HPSE2: variants seen among roughly 807,000 people sequenced by gnomAD.
HPSE2 encodes heparanase 2 (inactive).
Under a neutral mutation model 60.5 loss-of-function variants are expected in HPSE2, and 38 were observed. That is an observed-to-expected ratio of 0.63 (90% CI 0.48 to 0.82). The LOEUF (loss-of-function observed/expected upper bound fraction) is 0.82, where lower values mean the gene tolerates loss of function less well. HPSE2 is among the 40% of genes least tolerant of loss of function. The pLI is 0.00. For missense variants in HPSE2, 713 were observed against 740.4 expected (o/e 0.96, Z 0.43); for synonymous variants, 295 against 293.2 (o/e 1.01, Z -0.06).
At chr10:98,746,508 AG>A (rs1315809840) in intron 3 of HPSE2, among the ~76,000 whole-genome samples, 1 of 152,044 alleles carries the variant, frequency 6.6e-6, no homozygotes, top group Admixed American at 6.6e-5. Context: ...ACCTACCCTT[AG>A]AAAAATTTTA....
intron 4 of HPSE2, among the ~76,000 whole-genome samples, chr10:98,726,266 A>C (rs1949076401): frequency 6.6e-6 from 1 of 152,186 alleles, no homozygotes; most frequent in Non-Finnish European, 1.5e-5. Flanking sequence ...GTGGATTAAG[A>C]AAATGTGGCA....
intron 2 of HPSE2, among the ~76,000 whole-genome samples, chr10:99,230,109 TAAATC>T (rs1179844792): frequency 6.6e-6 from 1 of 152,144 alleles, no homozygotes; most frequent in Non-Finnish European, 1.5e-5. Flanking sequence ...TAGGAAAACA[TAAATC>T]AAAAGGAGTT....
At chr10:98,984,573 A>G (rs1956290389) in intron 3 of HPSE2, among the ~76,000 whole-genome samples, 1 of 152,230 alleles carries the variant, frequency 6.6e-6, no homozygotes, top group South Asian at 2.1e-4. Flanking sequence ...AAAATTCTAA[A>G]AATCAGAGTG....
chr10:98,665,880 T>A (rs1591573), intron 6 of HPSE2, among the ~76,000 whole-genome samples: 74,949 of 151,914 alleles, frequency 0.49, 20,886 homozygotes, highest in South Asian at 0.74. Flanking sequence ...CACGATCAAA[T>A]TTACAAAACA....
At chr10:98,511,439 C>T (rs906487289) in intron 9 of HPSE2, among the ~76,000 whole-genome samples, 8 of 151,958 alleles carry the variant, frequency 5.3e-5, no homozygotes, top group South Asian at 2.1e-4. Flanking sequence ...TGTGAGGCAC[C>T]GCGCCCAGCC....
chr10:98,725,188 C>G (rs1949039679), intron 4 of HPSE2, among the ~76,000 whole-genome samples: 1 of 152,158 alleles, frequency 6.6e-6, no homozygotes, highest in Non-Finnish European at 1.5e-5. Context: ...CAAGTCAATC[C>G]TAAGCCAAAA....
intron 3 of HPSE2, among the ~76,000 whole-genome samples, chr10:98,989,876 T>C (rs1956480835): frequency 6.6e-6 from 1 of 152,166 alleles, no homozygotes; most frequent in African/African-American, 2.4e-5. Flanking sequence ...GTTGGCATTC[T>C]TAGAGTCTTC....
intron 3 of HPSE2, among the ~76,000 whole-genome samples, chr10:98,752,108 T>C (rs1200233121): frequency 6.6e-6 from 1 of 152,174 alleles, no homozygotes; most frequent in Non-Finnish European, 1.5e-5. Context: ...TTGGTTGTAG[T>C]GAGACAAAGA....
chr10:99,199,706 AC>A (rs1403731105), intron 2 of HPSE2, among the ~76,000 whole-genome samples: 2 of 152,126 alleles, frequency 1.3e-5, no homozygotes, highest in African/African-American at 4.8e-5. Context: ...TGAAACAAGG[AC>A]ACGTAACGCC....
At chr10:98,720,140 G>T (rs1015469535) in intron 5 of HPSE2, among the ~76,000 whole-genome samples, 2 of 152,030 alleles carry the variant, frequency 1.3e-5, no homozygotes, top group African/African-American at 4.8e-5. Context: ...AAATAAAAAT[G>T]AAAAGAAAAT....
intron 3 of HPSE2, among the ~76,000 whole-genome samples, chr10:98,950,206 T>G (rs1286353107): frequency 6.6e-6 from 1 of 152,112 alleles, no homozygotes; most frequent in African/African-American, 2.4e-5. Context: ...AAAGTCCTAG[T>G]AAGGTTAAAG....
intron 9 of HPSE2, among the ~76,000 whole-genome samples, chr10:98,559,929 G>T (rs1213521860): frequency 1.3e-5 from 2 of 152,256 alleles, no homozygotes; most frequent in Non-Finnish European, 2.9e-5. Context: ...TGGGTTCTGG[G>T]TTCATGTGGG....
intron 3 of HPSE2, among the ~76,000 whole-genome samples, chr10:99,122,463 A>G (rs1483332001): frequency 6.6e-6 from 1 of 151,988 alleles, no homozygotes; most frequent in Non-Finnish European, 1.5e-5. Flanking sequence ...ATAAGCTACT[A>G]GAATTAAGAA....
chr10:98,768,390 T>C (rs1950171618), intron 3 of HPSE2, among the ~76,000 whole-genome samples: 1 of 152,188 alleles, frequency 6.6e-6, no homozygotes, highest in African/African-American at 2.4e-5. Context: ...CTCTTGCTTT[T>C]CACCGTGAGC....
chr10:98,870,744 T>C (rs916915264), intron 3 of HPSE2, among the ~76,000 whole-genome samples: 1 of 152,080 alleles, frequency 6.6e-6, no homozygotes, highest in African/African-American at 2.4e-5. Flanking sequence ...ATTGTTGTCA[T>C]GAGATACTGA....
At chr10:98,908,848 G>A (rs1164570223) in intron 3 of HPSE2, among the ~76,000 whole-genome samples, 1 of 152,044 alleles carries the variant, frequency 6.6e-6, no homozygotes, top group Admixed American at 6.6e-5. Context: ...AAAAAACAAT[G>A]CTATTTATTC....
At chr10:98,766,735 G>GC (rs1271650300) in intron 3 of HPSE2, among the ~76,000 whole-genome samples, 3 of 152,058 alleles carry the variant, frequency 2.0e-5, no homozygotes, top group Admixed American at 2.0e-4. Context: ...GACCAGCCTG[G>GC]GCAACATGGC....
chr10:99,261,288 A>G, the HPSE2 span, among the ~76,000 whole-genome samples: 1 of 151,884 alleles, frequency 6.6e-6, no homozygotes, highest in East Asian at 1.9e-4. Flanking sequence ...CCAGGTCCCA[A>G]TTGTTCCTCA....
At chr10:98,583,603 C>G (rs1231959884) in intron 9 of HPSE2, among the ~76,000 whole-genome samples, 1 of 152,228 alleles carries the variant, frequency 6.6e-6, no homozygotes, top group Middle Eastern at 3.2e-3. Flanking sequence ...TCTTTTCCCC[C>G]AATAAAACCC....
Sources: gnomAD v4.1 joint callset for allele counts (sites outside exome capture counted in the v4.1 genomes callset) on GRCh38, gnomAD v4.1.1 for gene constraint, MANE v1.5 for transcripts, NCBI Gene and HGNC (gene_info 2026-07-23, HGNC 2026-07-21) for gene names.